The following ACACA variants were observed in gnomAD, a reference collection of about 807,000 sequenced individuals.
ACACA encodes the protein acetyl-CoA carboxylase alpha.
ACACA carries 103 observed loss-of-function variants against 296.1 expected under a neutral mutation model. That is an observed-to-expected ratio of 0.35 (90% CI 0.30 to 0.41). The LOEUF is 0.41. Ranked by LOEUF, ACACA falls within the 10% of genes least tolerant of loss-of-function variation. The pLI is 1.00. For missense variants in ACACA, 1,554 were observed against 2,989.7 expected (o/e 0.52, Z 11.20); for synonymous variants, 953 against 1,038.6 (o/e 0.92, Z 1.58).
At chr17:37,308,694 T>G (rs184419943) in intron 3 of ACACA, among the ~76,000 whole-genome samples, 3 of 152,172 alleles carry the variant, frequency 2.0e-5, no homozygotes, top group Admixed American at 2.0e-4. Flanking sequence ...TCCCAGCACG[T>G]TGGAAGGCCA....
intron 25 of ACACA, among the ~76,000 whole-genome samples, chr17:37,232,299 G>A (rs75205123): frequency 0.026 from 3,885 of 152,226 alleles, 125 homozygotes; most frequent in African/African-American, 0.074. Context: ...ATGGAATACT[G>A]GGCACATAAC....
intron 1 of ACACA, chr17:37,367,523 C>T (rs1421498902): frequency 6.6e-6 from 1 of 152,186 alleles, no homozygotes; most frequent in Non-Finnish European, 1.5e-5. Context: ...GGAACTGACA[C>T]CTTTCTGAGC....
At chr17:37,202,672 T>A (rs1264192750) in intron 33 of ACACA, among the ~76,000 whole-genome samples, 1 of 27,376 alleles carries the variant, frequency 3.7e-5, no homozygotes, top group Admixed American at 4.4e-4. Flanking sequence ...TTCTTTCATA[T>A]ATATATATAT....
chr17:37,302,503 C>T (rs1279527742), intron 3 of ACACA, among the ~76,000 whole-genome samples: 1 of 149,976 alleles, frequency 6.7e-6, no homozygotes, highest in Non-Finnish European at 1.5e-5. Context: ...AGCCACCACA[C>T]CCGGCCGGTC....
intron 22 of ACACA, among the ~76,000 whole-genome samples, chr17:37,242,299 T>A (rs1457151607): frequency 6.6e-6 from 1 of 152,152 alleles, no homozygotes; most frequent in African/African-American, 2.4e-5. Flanking sequence ...AAAACTATCA[T>A]CTTACCAATA....
intron 3 of ACACA, among the ~76,000 whole-genome samples, chr17:37,301,730 C>G (rs1390362370): frequency 1.3e-5 from 2 of 152,180 alleles, no homozygotes; most frequent in Non-Finnish European, 2.9e-5. Context: ...GTTTTGAAAT[C>G]AGGTAGTATG....
chr17:37,098,520 C>G (rs2073129914), intron 52 of ACACA, among the ~76,000 whole-genome samples: 1 of 152,250 alleles, frequency 6.6e-6, no homozygotes, highest in Non-Finnish European at 1.5e-5. Flanking sequence ...CCTAAAGTTA[C>G]AAGCCATAGT....
chr17:37,099,241 GT>G (rs886627778), intron 52 of ACACA, among the ~76,000 whole-genome samples: 3 of 152,162 alleles, frequency 2.0e-5, no homozygotes, highest in African/African-American at 4.8e-5. Context: ...ATTTTTATTA[GT>G]TTTTTGGATG....
In ACACA at chr17:37,243,516, G is replaced by A. The variant is rs61738839; in HGVS notation, c.2786C>T (p.Pro929Leu). Reference protein sequence around the residue: ...VERLMKTLRDPSLPLLELQDI... With the variant: ...VERLMKTLRDLSLPLLELQDI... ...TTGCAATTCTAGGAGAGGCAGGGAG[G>A]GATCTCTGAGGGTTTTCATCAATCG... is the stretch of plus-strand genomic sequence containing the variant. The change falls in exon 22 of 56, where the codon CCC (proline) becomes CTC (leucine). Residue 929 changes from proline (P) to leucine (L), a missense_variant. Coordinates refer to ENST00000616317, the MANE Select transcript of ACACA (RefSeq NM_198834.3). The A allele has an allele frequency of 2.5e-6, 4 of 1,614,044 alleles. No individual in the cohort carries two copies. The highest frequency in any genetic ancestry group is 3.4e-6 in the Non-Finnish European group (4 of 1,180,016).
In ACACA at chr17:37,371,616, G is replaced by A. The variant is rs140437106; in HGVS notation, c.39-31766C>T. ...TATATTCCACAATTAAAAAACGGCC[G>A]CGGCCAGGCCGAGTAGCTCACGCCT... On this transcript the variant is annotated intron_variant, in intron 1 of 55. Coordinates refer to ENST00000616317, the MANE Select transcript of ACACA (RefSeq NM_198834.3). Among the ~76,000 whole-genome samples the A allele has an allele frequency of 6.4e-3, 972 of 151,968 alleles. 7 individuals are homozygous for A. The highest frequency in any genetic ancestry group is 0.044 in the Middle Eastern group (13 of 294).
At chr17:37,142,539 G>A (rs1282195095) in intron 45 of ACACA, among the ~76,000 whole-genome samples, 1 of 152,218 alleles carries the variant, frequency 6.6e-6, no homozygotes, top group African/African-American at 2.4e-5. Context: ...TACTCAGAAA[G>A]GAAGCTAAAA....
intron 25 of ACACA, among the ~76,000 whole-genome samples, chr17:37,228,062 T>C (rs1340100704): frequency 6.6e-6 from 1 of 152,146 alleles, no homozygotes; most frequent in Non-Finnish European, 1.5e-5. Flanking sequence ...TCAGGGATAC[T>C]CTTTATAGAC....
chr17:37,268,741 C>CTATCTATATA lies in ACACA; in HGVS notation c.1119+2009_1119+2010insTATATAGATA, dbSNP rs1219982787. On this transcript the variant is annotated intron_variant, in intron 10 of 55. Coordinates refer to ENST00000616317, the MANE Select transcript of ACACA (RefSeq NM_198834.3). ...TCTATCTATCTATCTATCTATCTATCTATATATATATATATATATATATAT... is the reference window on the plus strand; with the variant it reads ...TCTATCTATCTATCTATCTATCTATCTATCTATATATATATATATATATATATATATATAT... Among the ~76,000 whole-genome samples, 784 of 94,378 alleles carry CTATCTATATA rather than the reference C, an allele frequency of 8.3e-3. 5 individuals are homozygous for CTATCTATATA. The highest frequency in any genetic ancestry group is 0.029 in the Admixed American group (226 of 7,696). The allele number at this position is 94,378 out of a possible 152,430, so 61.9% of individuals were successfully genotyped here. A position where few individuals can be genotyped will look rare whatever the true frequency, so the allele number is the denominator to read the frequency against.
intron 14 of ACACA, among the ~76,000 whole-genome samples, chr17:37,254,617 G>T (rs551998924): frequency 6.6e-6 from 1 of 152,274 alleles, no homozygotes; most frequent in Admixed American, 6.5e-5. Context: ...TGAGGAGAGA[G>T]ATTCTATCTT....
intron 51 of ACACA, among the ~76,000 whole-genome samples, chr17:37,112,093 A>G (rs1032900770): frequency 5.1e-5 from 7 of 137,586 alleles, no homozygotes; most frequent in African/African-American, 2.3e-4. Flanking sequence ...TACCTCACCT[A>G]TACCACAGCT....
At chr17:37,145,228 T>C (rs773640575) in intron 45 of ACACA, among the ~76,000 whole-genome samples, 13 of 152,132 alleles carry the variant, frequency 8.5e-5, no homozygotes, top group Non-Finnish European at 1.5e-4. Context: ...CAGTGGCAAA[T>C]AGACTTAAGA....
intron 9 of ACACA, among the ~76,000 whole-genome samples, chr17:37,272,843 T>A (rs2082127048): frequency 2.0e-5 from 3 of 152,152 alleles, no homozygotes; most frequent in Non-Finnish European, 4.4e-5. Flanking sequence ...GATTTGTATA[T>A]GATATAAATC....
chr17:37,203,002 C>T (rs1424508191), intron 33 of ACACA, among the ~76,000 whole-genome samples: 6 of 146,752 alleles, frequency 4.1e-5, no homozygotes, highest in East Asian at 2.0e-4. Context: ...CTTGTTCTGT[C>T]GCCAGGCTGG....
intron 1 of ACACA, chr17:37,359,099 G>C (rs2049284628): frequency 3.0e-6 from 3 of 985,674 alleles, no homozygotes. Context: ...TGGCTGACAG[G>C]CGTGCAGCAC....
Sources: allele counts gnomAD v4.1 joint callset (sites outside exome capture counted in the v4.1 genomes callset), GRCh38; gene constraint gnomAD v4.1.1; transcripts MANE v1.5; gene names NCBI Gene and HGNC (gene_info 2026-07-23, HGNC 2026-07-21).